The following FYN variants were observed in gnomAD, a reference collection of about 807,000 sequenced individuals.
FYN encodes FYN proto-oncogene, Src family tyrosine kinase, also known as tyrosine-protein kinase Fyn.
FYN carries 10 observed loss-of-function variants against 70.2 expected under a neutral mutation model. The observed-to-expected ratio is 0.14, with a 90% CI of 0.09 to 0.24. FYN has a LOEUF of 0.24. Among genes scored for constraint, FYN ranks in the 10% least tolerant of loss-of-function variants. The pLI is 1.00. For missense variants in FYN, 319 were observed against 673.1 expected (o/e 0.47, Z 5.82); for synonymous variants, 236 against 248.6 (o/e 0.95, Z 0.48).
At chr6:111,663,380 C>T (rs921196195) in intron 13 of FYN, among the ~76,000 whole-genome samples, 2 of 152,336 alleles carry the variant, frequency 1.3e-5, no homozygotes, top group East Asian at 1.9e-4. Flanking sequence ...CAGCCAGAGG[C>T]GCTGGGCCAG....
chr6:111,692,296 G>T (rs546373491), intron 12 of FYN, among the ~76,000 whole-genome samples: 1 of 152,332 alleles, frequency 6.6e-6, no homozygotes, highest in South Asian at 2.1e-4. Flanking sequence ...TTGGCCTTTT[G>T]AAAGGGGCTC....
chr6:111,825,033 A>G (rs1306898744), intron 2 of FYN, among the ~76,000 whole-genome samples: 1 of 152,192 alleles, frequency 6.6e-6, no homozygotes, highest in Non-Finnish European at 1.5e-5. Context: ...TGAGCACTCC[A>G]CTGGTTGTAA....
At chr6:111,829,460 T>G (rs537174876) in intron 2 of FYN, among the ~76,000 whole-genome samples, 2 of 152,316 alleles carry the variant, frequency 1.3e-5, no homozygotes, top group Non-Finnish European at 2.9e-5. Context: ...CTAATGCTTA[T>G]TAAGGTGCAG....
chr6:111,700,577 T>C (rs922868256), intron 8 of FYN, among the ~76,000 whole-genome samples: 1 of 152,248 alleles, frequency 6.6e-6, no homozygotes, highest in Non-Finnish European at 1.5e-5. Flanking sequence ...ATACAGTCTA[T>C]ACATAGACAT....
At chr6:111,675,822 T>C (rs1053432498) in intron 12 of FYN, among the ~76,000 whole-genome samples, 1 of 150,314 alleles carries the variant, frequency 6.7e-6, no homozygotes, top group Admixed American at 6.6e-5. Context: ...TAAAAATAAA[T>C]AAATAAATAA....
intron 12 of FYN, among the ~76,000 whole-genome samples, chr6:111,684,230 A>C (rs1798896070): frequency 6.6e-6 from 1 of 152,216 alleles, no homozygotes; most frequent in African/African-American, 2.4e-5. Flanking sequence ...ACAAGAACCA[A>C]GGAGTGGAAG....
At chr6:111,686,396 G>A (rs950820448) in intron 12 of FYN, among the ~76,000 whole-genome samples, 5 of 152,164 alleles carry the variant, frequency 3.3e-5, no homozygotes, top group Admixed American at 2.0e-4. Flanking sequence ...GTCTGACCTC[G>A]GAGGGCAGGG....
chr6:111,766,570 G>A (rs1803236762), intron 3 of FYN, among the ~76,000 whole-genome samples: 1 of 152,164 alleles, frequency 6.6e-6, no homozygotes, highest in Admixed American at 6.5e-5. Flanking sequence ...AATTTGTGAA[G>A]GACAGAGGTT....
At chr6:111,733,185 A>G (rs562444288) in intron 3 of FYN, among the ~76,000 whole-genome samples, 1 of 152,290 alleles carries the variant, frequency 6.6e-6, no homozygotes, top group African/African-American at 2.4e-5. Context: ...AACAGTAACA[A>G]TAACAATGCC....
chr6:111,767,302 T>C (rs76473138), intron 3 of FYN, among the ~76,000 whole-genome samples: 1,879 of 152,340 alleles, frequency 0.012, 33 homozygotes, highest in African/African-American at 0.041. Context: ...AAACATACCA[T>C]GCCAGTAGAA....
At chr6:111,805,550 T>C (rs1772120834) in intron 2 of FYN, among the ~76,000 whole-genome samples, 5 of 152,176 alleles carry the variant, frequency 3.3e-5, no homozygotes. Flanking sequence ...AGGGTCCATG[T>C]GGTTCAGGTT....
At chr6:111,800,924 G>T (rs546899051) in intron 2 of FYN, among the ~76,000 whole-genome samples, 2 of 152,314 alleles carry the variant, frequency 1.3e-5, no homozygotes, top group Admixed American at 1.3e-4. Flanking sequence ...TTTAAGAAAA[G>T]AATAGAGCAA....
intron 2 of FYN, among the ~76,000 whole-genome samples, chr6:111,836,591 A>T (rs1339990080): frequency 2.0e-5 from 3 of 152,080 alleles, no homozygotes; most frequent in Non-Finnish European, 2.9e-5. Flanking sequence ...ATAGGGAGAC[A>T]CTGTTTCTAC....
intron 12 of FYN, among the ~76,000 whole-genome samples, chr6:111,688,741 A>T (rs1313289102): frequency 6.6e-6 from 1 of 152,246 alleles, no homozygotes; most frequent in Non-Finnish European, 1.5e-5. Context: ...ACTTCACAAG[A>T]TTAAAAACAA....
intron 2 of FYN, among the ~76,000 whole-genome samples, chr6:111,813,688 G>C (rs1772396754): frequency 6.6e-6 from 1 of 152,142 alleles, no homozygotes; most frequent in Non-Finnish European, 1.5e-5. Flanking sequence ...CTACAAAATG[G>C]AGATAATAAT....
At chr6:111,844,310 C>T (rs1440978434) in intron 2 of FYN, among the ~76,000 whole-genome samples, 1 of 152,228 alleles carries the variant, frequency 6.6e-6, no homozygotes, top group African/African-American at 2.4e-5. Flanking sequence ...TAAAAATCCA[C>T]ATGAAGAACA....
rs778511334 is a variant in FYN, at chr6:111,714,384, A to C, written c.307T>G (p.Phe103Val). The change falls in exon 5 of 14, where the codon TTT becomes GTT. Residue 103 changes from phenylalanine (F) to valine (V), a missense_variant. Phe to Val is a conservative substitution (Grantham distance 50). This residue lies in a region of FYN where 128 missense variants were observed against 183.9 expected (regional missense o/e 0.70). Coordinates refer to ENST00000354650, the MANE Select transcript of FYN (RefSeq NM_002037.5). Reference protein sequence around the residue: ...YEARTEDDLSFHKGEKFQILN... With the variant: ...YEARTEDDLSVHKGEKFQILN... ...ATTTGAAATTTTTCTCCTTTGTGAA[A>C]ACTCAGGTCATCTTCTGTCCGTGCT... The C allele has an allele frequency of 2.5e-6, 4 of 1,613,966 alleles. No individual in the cohort carries two copies. In the East Asian group the frequency reaches 8.9e-5, roughly 36 times the overall value.
chr6:111,717,798 T>C (rs867193321), intron 4 of FYN, among the ~76,000 whole-genome samples: 2 of 152,160 alleles, frequency 1.3e-5, no homozygotes, highest in African/African-American at 2.4e-5. Context: ...GCCAATTTGC[T>C]GTGTAGGTAG....
chr6:111,776,299 G>T (rs551234544), intron 3 of FYN, among the ~76,000 whole-genome samples: 133 of 152,208 alleles, frequency 8.7e-4, no homozygotes, highest in Non-Finnish European at 1.7e-3. Flanking sequence ...GGGACACAAG[G>T]GGTTGCAAAT....
Sources: gnomAD v4.1 joint callset for allele counts (sites outside exome capture counted in the v4.1 genomes callset) on GRCh38, gnomAD v4.1.1 for gene constraint, gnomAD v4.1.1 regional missense constraint, MANE v1.5 for transcripts, NCBI Gene and HGNC (gene_info 2026-07-23, HGNC 2026-07-21) for gene names.